The following SGCD variants were observed in gnomAD, a reference collection of about 807,000 sequenced individuals.
SGCD encodes the protein sarcoglycan delta, also known as delta-sarcoglycan.
Under a neutral mutation model 36.6 loss-of-function variants are expected in SGCD, and 18 were observed. The ratio of observed to expected loss-of-function variants is 0.49; its 90% confidence interval spans 0.34 to 0.73. SGCD has a LOEUF of 0.73. Among genes scored for constraint, SGCD ranks in the 30% least tolerant of loss-of-function variants. The pLI is 0.01. For synonymous variants in SGCD, 133 were observed against 130.6 expected, an observed-to-expected ratio of 1.02 and a Z score of -0.12; for missense variants, 387 against 346.7, an observed-to-expected ratio of 1.12 and a Z score of -0.92.
At chr5:156,559,793 T>G (rs1759194785) in intron 4 of SGCD, among the ~76,000 whole-genome samples, 1 of 152,226 alleles carries the variant, frequency 6.6e-6, no homozygotes, top group African/African-American at 2.4e-5. Context: ...GTTAGAAAAC[T>G]GTGCCTGCGT....
At chr5:156,259,418 A>G (rs2127664449) in intron 3 of SGCD, among the ~76,000 whole-genome samples, 1 of 151,744 alleles carries the variant, frequency 6.6e-6, no homozygotes, top group South Asian at 2.1e-4. Flanking sequence ...TTGTCTACTC[A>G]TTTTCTTAAT....
At chr5:156,521,228 A>T (rs961856437) in intron 4 of SGCD, among the ~76,000 whole-genome samples, 1 of 152,164 alleles carries the variant, frequency 6.6e-6, no homozygotes, top group Non-Finnish European at 1.5e-5. Flanking sequence ...ACTTAAATGT[A>T]AAACCCCAAA....
intron 6 of SGCD, among the ~76,000 whole-genome samples, chr5:156,615,662 G>A (rs1667091022): frequency 6.6e-6 from 1 of 152,144 alleles, no homozygotes; most frequent in African/African-American, 2.4e-5. Context: ...CACTGCTACA[G>A]GTGCCACAAA....
At chr5:155,918,389 C>G (rs1756800634) in intron 1 of SGCD, among the ~76,000 whole-genome samples, 1 of 152,046 alleles carries the variant, frequency 6.6e-6, no homozygotes, top group African/African-American at 2.4e-5. Context: ...ACAGTGAAAC[C>G]CTGTCTCTAC....
At chr5:156,200,715 T>C (rs1203096470) in intron 3 of SGCD, among the ~76,000 whole-genome samples, 1 of 152,210 alleles carries the variant, frequency 6.6e-6, no homozygotes, top group African/African-American at 2.4e-5. Flanking sequence ...TACCATGTTA[T>C]GATTCAGCAA....
At chr5:155,783,491 C>T in the SGCD span, among the ~76,000 whole-genome samples, 1 of 151,994 alleles carries the variant, frequency 6.6e-6, no homozygotes, top group Non-Finnish European at 1.5e-5. Context: ...CTGATTTGGC[C>T]TAGTACAGAA....
At chr5:156,031,573 A>T (rs531852624) in intron 1 of SGCD, among the ~76,000 whole-genome samples, 2 of 152,306 alleles carry the variant, frequency 1.3e-5, no homozygotes, top group Admixed American at 1.3e-4. Flanking sequence ...TATTCTTACC[A>T]AATTAAAAGC....
At chr5:156,135,426 A>G (rs997718270) in intron 3 of SGCD, among the ~76,000 whole-genome samples, 5 of 152,026 alleles carry the variant, frequency 3.3e-5, no homozygotes, top group Admixed American at 6.6e-5. Context: ...ATGTGCTACT[A>G]CCCCTCTTCC....
At chr5:156,657,113 A>T (rs1763714320) in intron 7 of SGCD, among the ~76,000 whole-genome samples, 1 of 152,144 alleles carries the variant, frequency 6.6e-6, no homozygotes, top group Non-Finnish European at 1.5e-5. Context: ...AATTTAAACT[A>T]TCAAAACAGT....
chr5:156,351,260 G>T (rs1382840822), intron 3 of SGCD, among the ~76,000 whole-genome samples: 1 of 152,136 alleles, frequency 6.6e-6, no homozygotes, highest in African/African-American at 2.4e-5. Context: ...CCCATAGGTT[G>T]GTGGAAGACC....
chr5:156,111,574 G>A (rs1208587773), intron 1 of SGCD, among the ~76,000 whole-genome samples: 1 of 152,108 alleles, frequency 6.6e-6, no homozygotes. Flanking sequence ...GCTTTTAGTG[G>A]CTCAGTCTAG....
chr5:156,155,498 T>C (rs2127616437), intron 3 of SGCD, among the ~76,000 whole-genome samples: 1 of 151,534 alleles, frequency 6.6e-6, no homozygotes, highest in Middle Eastern at 3.4e-3. Flanking sequence ...CAAATTTATG[T>C]TTTCAACCTA....
the SGCD span, among the ~76,000 whole-genome samples, chr5:155,859,414 A>G: frequency 6.6e-6 from 1 of 152,116 alleles, no homozygotes. Flanking sequence ...AAAATTGACC[A>G]ATTTTATGTG....
intron 1 of SGCD, among the ~76,000 whole-genome samples, chr5:156,112,141 T>C (rs941511381): frequency 6.6e-6 from 1 of 152,196 alleles, no homozygotes; most frequent in Non-Finnish European, 1.5e-5. Context: ...CATTTTCTCC[T>C]CTTAGAAATT....
At chr5:156,575,456 A>G (rs188225394) in intron 4 of SGCD, among the ~76,000 whole-genome samples, 1 of 152,334 alleles carries the variant, frequency 6.6e-6, no homozygotes, top group East Asian at 1.9e-4. Context: ...GCTCAACTCT[A>G]GAGTGCTAGT....
Position 156,161,894 on chromosome 5 carries a change from C to A in SGCD, c.-44+37875C>A, listed in dbSNP as rs140620986. ...ATGAAAATGTAACTCTCTTTTTCTA[C>A]AGCCTCAGTTCCATCAGCCTCCCAG... On this transcript the variant is annotated intron_variant, in intron 3 of 9. Coordinates refer to the SGCD transcript ENST00000517913. Among the ~76,000 whole-genome samples, 390 of 151,786 alleles carry A rather than the reference C, an allele frequency of 2.6e-3. 3 individuals are homozygous for A. Among genetic ancestry groups the A allele is most frequent in the Admixed American group, 4.3e-3 (65 of 15,282 alleles).
chr5:156,010,121 G>A (rs115558452), intron 1 of SGCD, among the ~76,000 whole-genome samples: 1 of 152,250 alleles, frequency 6.6e-6, no homozygotes, highest in African/African-American at 2.4e-5. Flanking sequence ...GTTAATTTGT[G>A]AAATCAAATG....
At chr5:155,780,988 C>A in the SGCD span, among the ~76,000 whole-genome samples, 1 of 151,972 alleles carries the variant, frequency 6.6e-6, no homozygotes, top group Non-Finnish European at 1.5e-5. Context: ...GTTCACCATG[C>A]TGTCTTATTT....
intron 2 of SGCD, among the ~76,000 whole-genome samples, chr5:156,121,264 G>T (rs1308775152): frequency 6.6e-6 from 1 of 152,102 alleles, no homozygotes; most frequent in African/African-American, 2.4e-5. Context: ...AACAGTAAAA[G>T]TTTATTGAGC....
Sources: gnomAD v4.1 joint callset for allele counts (sites outside exome capture counted in the v4.1 genomes callset) on GRCh38, gnomAD v4.1.1 for gene constraint, MANE v1.5 for transcripts, NCBI Gene and HGNC (gene_info 2026-07-23, HGNC 2026-07-21) for gene names.